Variants in AGBL4 observed in about 807,000 individuals in gnomAD.
AGBL4 encodes cytosolic carboxypeptidase 6.
A neutral mutation model predicts 66.4 loss-of-function variants in AGBL4; 58 were observed. The observed-to-expected ratio is 0.87, with a 90% confidence interval of 0.71 to 1.09. AGBL4 has a LOEUF of 1.09. Ranked by LOEUF, AGBL4 falls within the 50% of genes least tolerant of loss-of-function variation. AGBL4 has a pLI of 0.00. For synonymous variants in AGBL4, 234 were observed against 222.9 expected, an observed-to-expected ratio of 1.05 and a Z score of -0.44; for missense variants, 579 against 631.0, an observed-to-expected ratio of 0.92 and a Z score of 0.88.
At chr1:49,295,988 T>C (rs1038113700) in intron 3 of AGBL4, among the ~76,000 whole-genome samples, 3 of 152,180 alleles carry the variant, frequency 2.0e-5, no homozygotes, top group Admixed American at 2.0e-4. Flanking sequence ...CGTATCTTTG[T>C]CTAGAGAATG....
chr1:49,853,161 G>A (rs1646347411), intron 1 of AGBL4, among the ~76,000 whole-genome samples: 1 of 152,116 alleles, frequency 6.6e-6, no homozygotes, highest in South Asian at 2.1e-4. Context: ...CGCAGGACCA[G>A]ACACAGAAAT....
At chr1:48,985,627 G>C (rs1206537930) in intron 5 of AGBL4, among the ~76,000 whole-genome samples, 1 of 152,032 alleles carries the variant, frequency 6.6e-6, no homozygotes, top group Non-Finnish European at 1.5e-5. Flanking sequence ...GAACTTAAAA[G>C]CAAGACTTCA....
At chr1:49,199,249 T>C (rs770360962) in intron 4 of AGBL4, among the ~76,000 whole-genome samples, 1 of 152,192 alleles carries the variant, frequency 6.6e-6, no homozygotes, top group Non-Finnish European at 1.5e-5. Context: ...GTTGAACCTA[T>C]AGTTGTTTAA....
intron 5 of AGBL4, among the ~76,000 whole-genome samples, chr1:48,949,814 C>T (rs766281713): frequency 2.6e-4 from 40 of 152,174 alleles, no homozygotes; most frequent in Non-Finnish European, 4.6e-4. Context: ...AAGAAGACAA[C>T]ATTAAATCAA....
chr1:49,039,117 T>C (rs972553717), intron 5 of AGBL4, among the ~76,000 whole-genome samples: 3 of 152,062 alleles, frequency 2.0e-5, no homozygotes, highest in Non-Finnish European at 4.4e-5. Flanking sequence ...ATTTCAACTA[T>C]ATGGCATTCT....
intron 5 of AGBL4, among the ~76,000 whole-genome samples, chr1:48,934,037 C>G (rs542851116): frequency 1.3e-5 from 2 of 152,112 alleles, no homozygotes; most frequent in African/African-American, 4.8e-5. Context: ...GACGAGGTAG[C>G]CTATTTTGGT....
chr1:49,456,045 A>T (rs1646381460), intron 3 of AGBL4, among the ~76,000 whole-genome samples: 1 of 151,818 alleles, frequency 6.6e-6, no homozygotes, highest in Admixed American at 6.6e-5. Context: ...ACTGGCTAAC[A>T]TTCAAATCAC....
At chr1:49,105,616 C>G (rs1645278384) in intron 4 of AGBL4, among the ~76,000 whole-genome samples, 1 of 152,112 alleles carries the variant, frequency 6.6e-6, no homozygotes, top group African/African-American at 2.4e-5. Flanking sequence ...GTAAGTGGGA[C>G]CTGTGTCTGC....
intron 2 of AGBL4, among the ~76,000 whole-genome samples, chr1:49,761,088 G>A (rs926381442): frequency 6.7e-6 from 1 of 150,320 alleles, no homozygotes; most frequent in South Asian, 2.1e-4. Context: ...CATGGCAAAC[G>A]TATACCTATG....
intron 2 of AGBL4, among the ~76,000 whole-genome samples, chr1:49,836,980 G>A (rs2148030354): frequency 6.6e-6 from 1 of 152,290 alleles, no homozygotes; most frequent in South Asian, 2.1e-4. Flanking sequence ...CCTGCCAGAT[G>A]CCAAACGGAG....
intron 1 of AGBL4, among the ~76,000 whole-genome samples, chr1:50,005,560 A>C (rs1246870396): frequency 3.3e-5 from 5 of 152,200 alleles, no homozygotes; most frequent in African/African-American, 7.2e-5. Flanking sequence ...GACTGCAAAG[A>C]CTACAATAAA....
chr1:49,300,531 A>G (rs1644726141), intron 3 of AGBL4, among the ~76,000 whole-genome samples: 1 of 152,190 alleles, frequency 6.6e-6, no homozygotes, highest in Non-Finnish European at 1.5e-5. Context: ...CGGTTCCCTG[A>G]ACAGGAGACC....
chr1:49,259,137 A>C (rs1652850306), intron 3 of AGBL4, among the ~76,000 whole-genome samples: 1 of 152,170 alleles, frequency 6.6e-6, no homozygotes. Flanking sequence ...GGCCTGCCCT[A>C]AAAGAGCTCC....
At chr1:49,273,873 G>T (rs1404149991) in intron 3 of AGBL4, among the ~76,000 whole-genome samples, 1 of 151,804 alleles carries the variant, frequency 6.6e-6, no homozygotes, top group African/African-American at 2.4e-5. Context: ...TAGTAGAGAC[G>T]GGGTTTCACC....
chr1:49,916,171 G>C (rs1031446224), intron 1 of AGBL4, among the ~76,000 whole-genome samples: 3 of 152,152 alleles, frequency 2.0e-5, no homozygotes, highest in African/African-American at 7.2e-5. Context: ...CTAAAAATCT[G>C]AGCGCCCCTC....
At chr1:49,313,084 C>G (rs1644970222) in intron 3 of AGBL4, among the ~76,000 whole-genome samples, 1 of 151,892 alleles carries the variant, frequency 6.6e-6, no homozygotes, top group Admixed American at 6.6e-5. Flanking sequence ...TCCATGTGTT[C>G]TCATTGTTCA....
intron 3 of AGBL4, among the ~76,000 whole-genome samples, chr1:49,435,299 T>C (rs1645879664): frequency 6.6e-6 from 1 of 152,252 alleles, no homozygotes; most frequent in Non-Finnish European, 1.5e-5. Flanking sequence ...TAATCCAATA[T>C]GGAGCATAAA....
At chr1:49,889,526 G>A (rs1648418474) in intron 1 of AGBL4, among the ~76,000 whole-genome samples, 1 of 152,050 alleles carries the variant, frequency 6.6e-6, no homozygotes, top group African/African-American at 2.4e-5. Flanking sequence ...GGAGGCCGAG[G>A]CAGTTGGGTC....
intron 11 of AGBL4, among the ~76,000 whole-genome samples, chr1:48,548,497 G>A (rs1255552784): frequency 1.3e-5 from 2 of 152,320 alleles, no homozygotes; most frequent in Non-Finnish European, 2.9e-5. Flanking sequence ...CGTGGTAATG[G>A]CTGTTTTCTG....
Sources: allele counts gnomAD v4.1 joint callset (sites outside exome capture counted in the v4.1 genomes callset), GRCh38; gene constraint gnomAD v4.1.1; transcripts MANE v1.5; gene names NCBI Gene and HGNC (gene_info 2026-07-23, HGNC 2026-07-21).